URB1: variants seen among roughly 807,000 people sequenced by gnomAD.
URB1 encodes the protein URB1 ribosome biogenesis factor.
A neutral mutation model predicts 242.3 loss-of-function variants in URB1; 197 were observed. The observed-to-expected ratio is 0.81, with a 90% CI of 0.72 to 0.91. The LOEUF is 0.91. Ranked by LOEUF, URB1 falls within the 40% of genes least tolerant of loss-of-function variation. The probability of loss-of-function intolerance (pLI) is 0.00; values close to 1 mark genes in which losing one functional copy is unlikely to be tolerated. For missense variants in URB1, 2,721 were observed against 2,860.5 expected, an observed-to-expected ratio of 0.95 and a Z score of 1.11; for synonymous variants, 1,153 against 1,201.8, an observed-to-expected ratio of 0.96 and a Z score of 0.84.
chr21:32,339,625 G>T (rs1392292778), intron 25 of URB1, among the ~76,000 whole-genome samples: 2 of 151,774 alleles, frequency 1.3e-5, no homozygotes. Context: ...AGAGTAGCTG[G>T]GACTATAGGC....
At chr21:32,319,810 T>C (rs1027669584) in intron 35 of URB1, among the ~76,000 whole-genome samples, 4 of 152,234 alleles carry the variant, frequency 2.6e-5, no homozygotes, top group African/African-American at 9.6e-5. Flanking sequence ...CACCCACTTT[T>C]TTTGTTGTTT....
rs545640753 is a variant in URB1, at chr21:32,374,718, C to T, written c.750+680G>A. On this transcript the variant is annotated intron_variant, in intron 6 of 38. Transcript: ENST00000382751. ...GCCATCCTGGGCATTACAGGATGTT[C>T]GGCAGCATCCCTGCTGTCTCCCCAC... Among the ~76,000 whole-genome samples, 7 of 152,300 alleles carry T rather than the reference C, an allele frequency of 4.6e-5. No individual in the cohort carries two copies. In the East Asian group the frequency reaches 1.3e-3, roughly 29 times the overall value.
At chr21:32,341,624 T>C in intron 24 of URB1, 100 bp from the exon 25 acceptor site, 1 of 1,043,394 alleles carries the variant, frequency 9.6e-7, no homozygotes, top group Non-Finnish European at 1.4e-6. Flanking sequence ...TCTGCCTCCA[T>C]GGCCTGACTA....
rs2033428960 is a variant in URB1, at chr21:32,373,663, T to C, written c.860A>G (p.Asn287Ser). ...TGTCTGCACCTTGACATTTTCTGGG[T>C]TCACATCGGTAATCCCATTCCAGTT... Reference protein sequence around the residue: ...LYNWNGITDVNPENVKVSAEE... With the variant: ...LYNWNGITDVSPENVKVSAEE... Residue 287 changes from asparagine (N) to serine (S), a missense_variant, in exon 7 of 39, where the codon AAC becomes AGC. By Grantham distance (46) the Asn-to-Ser change is conservative. Coordinates refer to ENST00000382751, the MANE Select transcript of URB1 (RefSeq NM_014825.3). 1.9e-6 allele frequency: 3 copies of C among 1,539,212 alleles called. No individual in the cohort carries two copies. Among genetic ancestry groups the C allele is most frequent in the African/African-American group, 1.4e-5 (1 of 72,206 alleles).
chr21:32,322,278 T>C (rs1487948967), intron 33 of URB1, among the ~76,000 whole-genome samples, 200 bp downstream of exon 33: 1 of 148,218 alleles, frequency 6.7e-6, no homozygotes, highest in Non-Finnish European at 1.5e-5. Context: ...TGAAGCAGAG[T>C]TTTTAAGGTT....
rs998574767 is a variant in URB1, at chr21:32,313,270, A to G, written c.*1648T>C. The stretch of plus-strand genomic sequence containing the variant: ...GGGGTTCAGGGATATTCCCCAGACC[A>G]ATGTCCTTCCGGCCAATGCCCCCTG... On this transcript the variant is annotated 3_prime_UTR_variant, in exon 39 of 39. Transcript: ENST00000382751. 1 of 152,230 alleles carries G rather than the reference A, an allele frequency of 6.6e-6. No homozygotes were observed. The highest frequency in any genetic ancestry group is 1.5e-5 in the Non-Finnish European group (1 of 68,056). 9.4% of individuals were successfully genotyped at this position (152,230 alleles called of 1,614,324 possible).
chr21:32,375,310 G>A, intron 6 of URB1, 88 bp downstream of exon 6: 1 of 782,804 alleles, frequency 1.3e-6, no homozygotes, highest in African/African-American at 1.8e-5. Context: ...ATAAGATGTT[G>A]TAGCTCTACA....
At chr21:32,334,765 G>T (rs2032938273) in intron 28 of URB1, among the ~76,000 whole-genome samples, 1 of 152,136 alleles carries the variant, frequency 6.6e-6, no homozygotes, top group African/African-American at 2.4e-5. Context: ...AGGAAGTCTG[G>T]CTCCTGAGTC....
intron 26 of URB1, 32 bp downstream of exon 26, chr21:32,338,675 T>C: frequency 3.2e-6 from 5 of 1,549,522 alleles, no homozygotes; most frequent in Non-Finnish European, 4.4e-6. Flanking sequence ...AAAATCTGGA[T>C]ACGGAATGGA....
chr21:32,318,355 A>G (rs1381292411), intron 36 of URB1, among the ~76,000 whole-genome samples: 1 of 152,186 alleles, frequency 6.6e-6, no homozygotes, highest in African/African-American at 2.4e-5. Context: ...CCAGGAGGAA[A>G]AAGATCTCCC....
intron 5 of URB1, chr21:32,377,091 C>G (rs2033467529): frequency 2.1e-6 from 1 of 484,088 alleles, no homozygotes; most frequent in Non-Finnish European, 4.0e-6. Context: ...AACAAAACCT[C>G]TACTCACATC....
Position 32,354,976 on chromosome 21 carries a change from T to C in URB1, c.2128A>G (p.Asn710Asp), listed in dbSNP as rs1417180182. The change falls in exon 17 of 39, where the codon AAT becomes GAT. Residue 710 changes from asparagine (N) to aspartate (D), a missense_variant. By Grantham distance (23) the Asn-to-Asp change is conservative (BLOSUM62 1). Transcript: ENST00000382751. ...LERILLTLVA[N>D]PYSYTDKASD... Reference sequence around the variant, plus strand: ...GCTTTGTCTGTGTATGAATAGGGATTCGCCACCAATGTCAATAAAATCTGG... The same window carrying C: ...GCTTTGTCTGTGTATGAATAGGGATCCGCCACCAATGTCAATAAAATCTGG... 6.4e-6 allele frequency: 10 copies of C among 1,550,996 alleles called. No homozygotes were observed. Among genetic ancestry groups the C allele is most frequent in the Admixed American group, 3.9e-5 (2 of 50,980 alleles).
Position 32,322,590 on chromosome 21 carries a change from A to G in URB1, c.5234-6T>C, listed in dbSNP as rs2032780884. The G allele has an allele frequency of 1.9e-6, 3 of 1,550,264 alleles. No homozygotes were observed. Among genetic ancestry groups the G allele is most frequent in the Non-Finnish European group, 2.6e-6 (3 of 1,145,762 alleles). On this transcript the variant is annotated splice_polypyrimidine_tract_variant and splice_region_variant and intron_variant, in intron 32 of 38. Coordinates refer to ENST00000382751, the MANE Select transcript of URB1 (RefSeq NM_014825.3). The stretch of plus-strand genomic sequence containing the variant: ...CTTCAGGTACATGTGCTCCTCTGAG[A>G]ACACAGGCAGTCAGTCAGTCATGGC...
intron 8 of URB1, among the ~76,000 whole-genome samples, chr21:32,372,233 GAACACT>G (rs2033414042): frequency 6.6e-6 from 1 of 152,206 alleles, no homozygotes; most frequent in Non-Finnish European, 1.5e-5. Flanking sequence ...TCCAGCTGAC[GAACACT>G]GTCTTTAGGT....
intron 21 of URB1, among the ~76,000 whole-genome samples, chr21:32,348,033 G>A (rs1045923825): frequency 5.3e-5 from 8 of 152,158 alleles, no homozygotes; most frequent in South Asian, 2.1e-4. Flanking sequence ...TACCACAATC[G>A]CCTGAGACAC....
intron 30 of URB1, among the ~76,000 whole-genome samples, chr21:32,329,106 C>CAA (rs5843551): frequency 1.1e-3 from 169 of 147,558 alleles, no homozygotes; most frequent in East Asian, 5.6e-3. Context: ...CAGTCTCTAC[C>CAA]AAAAAAAAAA....
chr21:32,322,318 C>T (rs2032776936), intron 33 of URB1, among the ~76,000 whole-genome samples, 160 bp downstream of exon 33: 1 of 152,212 alleles, frequency 6.6e-6, no homozygotes, highest in Non-Finnish European at 1.5e-5. Flanking sequence ...GAGCCAACAG[C>T]ACGGAGACAT....
chr21:32,330,287 G>A (rs946188756), intron 30 of URB1, among the ~76,000 whole-genome samples: 4 of 130,476 alleles, frequency 3.1e-5, no homozygotes, highest in African/African-American at 5.7e-5. Context: ...TGAATTTTTC[G>A]TGTAAATTTT....
chr21:32,331,997 C>T (rs777372655), intron 30 of URB1, among the ~76,000 whole-genome samples: 8 of 152,342 alleles, frequency 5.3e-5, no homozygotes, highest in Non-Finnish European at 7.3e-5. Flanking sequence ...TACCTGTCCC[C>T]GCCAGGAAAG....
Sources: allele counts gnomAD v4.1 joint callset (sites outside exome capture counted in the v4.1 genomes callset), GRCh38; gene constraint gnomAD v4.1.1; transcripts MANE v1.5; gene names NCBI Gene and HGNC (gene_info 2026-07-23, HGNC 2026-07-21).